KIF21B: variants seen among roughly 807,000 people sequenced by gnomAD.
KIF21B encodes kinesin-like protein KIF21B.
A neutral mutation model predicts 192.9 loss-of-function variants in KIF21B; 85 were observed. That is an observed-to-expected ratio of 0.44 (90% confidence interval 0.37 to 0.53). The LOEUF is 0.53. KIF21B is among the 20% of genes least tolerant of loss of function. The pLI is 0.00. For missense variants in KIF21B, 1,716 were observed against 2,194.8 expected, an observed-to-expected ratio of 0.78 and a Z score of 4.36; for synonymous variants, 832 against 884.6, an observed-to-expected ratio of 0.94 and a Z score of 1.05.
chr1:200,999,434 C>T lies in KIF21B; in HGVS notation c.1800G>A (p.Glu600=). The T allele has an allele frequency of 2.5e-6, 4 of 1,614,128 alleles. No individual in the cohort carries two copies. Among genetic ancestry groups the T allele is most frequent in the Non-Finnish European group, 3.4e-6 (4 of 1,180,000 alleles). ...EEEERDESGC[E]EEEGREDEDE... ...CTTCATCCTCGCGCCCTTCCTCCTC[C>T]TCACAGCCACTCTCGTCTCGCTCTT... Residue 600 remains glutamate (E), a synonymous_variant, in exon 13 of 35, where the codon GAG becomes GAA. Transcript: ENST00000461742. This position sits in a 1 kb window ranked among gnomAD's most constrained non-coding sequence, Gnocchi z 4.7.
chr1:201,003,900 C>T (rs1012953548), intron 7 of KIF21B, 119 bp from the exon 8 acceptor site: 11 of 1,020,812 alleles, frequency 1.1e-5, no homozygotes, highest in Non-Finnish European at 1.5e-5. Flanking sequence ...GCCCAAAGCA[C>T]GTGGGCATTC....
At chr1:200,995,542 G>A (rs1394808449) in intron 15 of KIF21B, among the ~76,000 whole-genome samples, 1 of 152,228 alleles carries the variant, frequency 6.6e-6, no homozygotes, top group African/African-American at 2.4e-5. Flanking sequence ...AGAGACTAGA[G>A]CACTCTGAGT....
At position 200,988,306 on chromosome 1, in the gene KIF21B, A is replaced by G; in HGVS notation, c.3398T>C (p.Phe1133Ser). Residue 1133 changes from phenylalanine to serine, a missense_variant, in exon 24 of 35, where the codon TTC (phenylalanine) becomes TCC (serine). Transcript: ENST00000461742. ...TMKGSTSHDD[F>S]KFKSEPKLSA... ...TCCGGCGGGGCTCACCTTGAACTTG[A>G]AATCGTCATGGCTGGTGGAGCCTTT... 1 of 1,613,960 alleles carries G rather than the reference A, an allele frequency of 6.2e-7. No homozygotes were observed. Among genetic ancestry groups the G allele is most frequent in the Non-Finnish European group, 8.5e-7 (1 of 1,180,010 alleles).
At chr1:201,002,066 G>C (rs904746868) in intron 9 of KIF21B, 95 bp downstream of exon 9, 1 of 1,085,950 alleles carries the variant, frequency 9.2e-7, no homozygotes, top group African/African-American at 1.6e-5. Flanking sequence ...GAATTGACTG[G>C]CTGGCTTAGT....
Position 201,005,585 on chromosome 1 carries a change from G to A in KIF21B, c.557C>T (p.Thr186Ile). The A allele has an allele frequency of 6.2e-7, 1 of 1,614,220 alleles. No individual in the cohort carries two copies. The highest frequency in any genetic ancestry group is 8.5e-7 in the Non-Finnish European group (1 of 1,180,036). ...GATGAGGCGAGAAGTGACGCCAGTG[G>A]TGTAGATGCCACCGTTTGCGTCCTC... Reference protein sequence around the residue: ...IHEDANGGIYTTGVTSRLIHS... With the variant: ...IHEDANGGIYITGVTSRLIHS... Residue 186 changes from threonine to isoleucine, a missense_variant, in exon 4 of 35, where the codon ACC (threonine) becomes ATC (isoleucine). Physicochemically the swap from Thr to Ile is moderately conservative, Grantham distance 89. Transcript: ENST00000461742.
At chr1:201,010,711 C>A (rs532000213) in intron 1 of KIF21B, among the ~76,000 whole-genome samples, 2 of 152,350 alleles carry the variant, frequency 1.3e-5, no homozygotes, top group South Asian at 4.1e-4. Context: ...AGGCCAGCAC[C>A]CATCCTGGGC....
rs1261456686 is a variant in KIF21B at position 201,023,339 on chromosome 1, C to T, written c.41+4G>A. 1.3e-6 allele frequency: 2 copies of T among 1,530,588 alleles called. No individual in the cohort carries two copies. The highest frequency in any genetic ancestry group is 1.8e-6 in the Non-Finnish European group (2 of 1,140,982). The allele number at this position is 1,530,588 out of a possible 1,614,324, so 94.8% of individuals were successfully genotyped here. A position where few individuals can be genotyped will look rare whatever the true frequency, so the allele number is the denominator to read the frequency against. On this transcript the variant is annotated splice_donor_region_variant and intron_variant, in intron 1 of 34. Coordinates refer to ENST00000461742, the MANE Select transcript of KIF21B (RefSeq NM_001252102.2). The surrounding 1 kb of genome is among the most constrained non-coding windows in gnomAD (Gnocchi z 5.9). ...GCGCCCCCTTCCCCGCCCCGGGTCC[C>T]TACCTGACGGCCACCTTGACGCAGC...
intron 1 of KIF21B, among the ~76,000 whole-genome samples, chr1:201,022,986 T>TGA (rs1367862271): frequency 6.6e-6 from 1 of 152,242 alleles, no homozygotes; most frequent in Non-Finnish European, 1.5e-5. Context: ...TATCCCCGTA[T>TGA]GAGACAGCAG....
chr1:201,011,000 G>A (rs1658202741), intron 1 of KIF21B, among the ~76,000 whole-genome samples: 1 of 152,244 alleles, frequency 6.6e-6, no homozygotes, highest in African/African-American at 2.4e-5. Flanking sequence ...TGTTTCCGGG[G>A]TGTGAACAGG....
At chr1:201,018,932 A>G (rs749982489) in intron 1 of KIF21B, among the ~76,000 whole-genome samples, 12 of 152,098 alleles carry the variant, frequency 7.9e-5, no homozygotes, top group Non-Finnish European at 1.6e-4. Flanking sequence ...ATTAGGGCCC[A>G]TTTTATTTTA....
chr1:201,022,117 T>A (rs1658870603), intron 1 of KIF21B, among the ~76,000 whole-genome samples: 1 of 152,160 alleles, frequency 6.6e-6, no homozygotes, highest in Non-Finnish European at 1.5e-5. Context: ...CTGATCAGTG[T>A]CAGCTCCTCT....
Position 200,990,048 on chromosome 1 carries a change from G to C in KIF21B, c.3031-5C>G. The C allele has an allele frequency of 6.2e-7, 1 of 1,613,456 alleles. No individual in the cohort carries two copies. Among genetic ancestry groups the C allele is most frequent in the South Asian group, 1.1e-5 (1 of 91,058 alleles). The stretch of plus-strand genomic sequence containing the variant: ...GTCTGTGGAGTCCAGCTCCTCCTAG[G>C]ACCGGGAGGCAGAGAGCCCCGTCAC... On this transcript the variant is annotated splice_region_variant and splice_polypyrimidine_tract_variant and intron_variant, in intron 20 of 34. Transcript: ENST00000461742. This position sits in a 1 kb window ranked among gnomAD's most constrained non-coding sequence, Gnocchi z 5.4.
In KIF21B at chr1:201,004,374, T is replaced by A; in HGVS notation, c.982A>T (p.Thr328Ser). ...VHVPYRDSKL[T>S]RLLQDSLGGN... ...CCCAGCGAATCCTGGAGGAGCCGAG[T>A]GAGCTTGGAGTCCCTGTAGGGAACG... The change falls in exon 7 of 35, where the codon ACT becomes TCT. Residue 328 changes from threonine (T) to serine (S), a missense_variant. Coordinates refer to ENST00000461742, the MANE Select transcript of KIF21B (RefSeq NM_001252102.2). 6.3e-7 allele frequency: 1 copy of A among 1,575,778 alleles called. No individual in the cohort carries two copies. Among genetic ancestry groups the A allele is most frequent in the Non-Finnish European group, 8.6e-7 (1 of 1,159,788 alleles).
At position 200,971,779 on chromosome 1, in the gene KIF21B, T is replaced by G. The variant is rs1655223630; in HGVS notation, c.*1742A>C. Reference sequence around the variant, plus strand: ...CCAGCAGGACAGCCGTCTTAGCCTCTGTGGCAGCTCCGAGGAGGGCACGGG... The same window carrying G: ...CCAGCAGGACAGCCGTCTTAGCCTCGGTGGCAGCTCCGAGGAGGGCACGGG... On this transcript the variant is annotated 3_prime_UTR_variant, in exon 35 of 35. Coordinates refer to ENST00000461742, the MANE Select transcript of KIF21B (RefSeq NM_001252102.2). 6.6e-6 allele frequency: 1 copy of G among 152,556 alleles called. No homozygotes were observed. Among genetic ancestry groups the G allele is most frequent in the Non-Finnish European group, 1.5e-5 (1 of 68,302 alleles). The allele number at this position is 152,556 out of a possible 1,614,324, so 9.5% of individuals were successfully genotyped here. A position where few individuals can be genotyped will look rare whatever the true frequency, so the allele number is the denominator to read the frequency against.
At chr1:201,007,649 CACAG>C (rs1278956465) in intron 3 of KIF21B, among the ~76,000 whole-genome samples, 1 of 151,306 alleles carries the variant, frequency 6.6e-6, no homozygotes, top group African/African-American at 2.4e-5. Context: ...CACACACACA[CACAG>C]ACGCGCACAC....
At position 200,972,553 on chromosome 1, in the gene KIF21B, C is replaced by A. The variant is rs1017111158; in HGVS notation, c.*968G>T. On this transcript the variant is annotated 3_prime_UTR_variant, in exon 35 of 35. Transcript: ENST00000461742. The stretch of plus-strand genomic sequence containing the variant: ...GAGTGAGAAGACACATGTGGTGCCG[C>A]GGGCATGGCTGGTGTAAGGCTGCCC... The A allele has an allele frequency of 3.3e-5, 5 of 152,640 alleles. No individual in the cohort carries two copies. The highest frequency in any genetic ancestry group is 5.9e-5 in the Non-Finnish European group (4 of 68,064). The allele number at this position is 152,640 out of a possible 1,614,324, so 9.5% of individuals were successfully genotyped here. A position where few individuals can be genotyped will look rare whatever the true frequency, so the allele number is the denominator to read the frequency against.
At chr1:201,002,442 C>T in intron 8 of KIF21B, 92 bp from the exon 9 acceptor site, 1 of 1,180,408 alleles carries the variant, frequency 8.5e-7, no homozygotes, top group African/African-American at 1.5e-5. Flanking sequence ...TGCCAGCGCC[C>T]TGGCCTTCCC....
At position 200,998,978 on chromosome 1, in the gene KIF21B, C is replaced by T. The variant is rs1189366669; in HGVS notation, c.1885+371G>A. ...AGGCATCTCCATTTAGAGGAGAGGG[C>T]TTTGGCACCAGTCAGGCCTACATTC... On this transcript the variant is annotated intron_variant, in intron 13 of 34. Coordinates refer to ENST00000461742, the MANE Select transcript of KIF21B (RefSeq NM_001252102.2). The surrounding 1 kb of genome is among the most constrained non-coding windows in gnomAD (Gnocchi z 4.3). Among the ~76,000 whole-genome samples, 1 of 152,082 alleles carries T rather than the reference C, an allele frequency of 6.6e-6. No homozygotes were observed. Among genetic ancestry groups the T allele is most frequent in the Non-Finnish European group, 1.5e-5 (1 of 68,012 alleles).
chr1:201,004,967 C>T (rs768073273), intron 5 of KIF21B, 34 bp from the exon 6 acceptor site: 1 of 1,581,024 alleles, frequency 6.3e-7, no homozygotes, highest in Non-Finnish European at 8.6e-7. Context: ...TCACCCAGCC[C>T]TCGCCCACCT....
Sources: allele counts gnomAD v4.1 joint callset (sites outside exome capture counted in the v4.1 genomes callset), GRCh38; gene constraint gnomAD v4.1.1; non-coding constraint Gnocchi (gnomAD v3.1); transcripts MANE v1.5; gene names NCBI Gene and HGNC (gene_info 2026-07-23, HGNC 2026-07-21).